Variants in RAB11FIP3 observed in about 807,000 individuals in gnomAD.
RAB11FIP3 encodes the protein rab11 family-interacting protein 3.
A neutral mutation model predicts 77.8 loss-of-function variants in RAB11FIP3; 17 were observed. The observed-to-expected ratio is 0.22, with a 90% confidence interval of 0.15 to 0.33. The LOEUF is 0.33. Among genes scored for constraint, RAB11FIP3 ranks in the 10% least tolerant of loss-of-function variants. The pLI, the probability that RAB11FIP3 is intolerant of heterozygous loss-of-function variation, is 1.00. For missense variants in RAB11FIP3, 1,005 were observed against 1,011.2 expected, an observed-to-expected ratio of 0.99 and a Z score of 0.08; for synonymous variants, 437 against 448.2, an observed-to-expected ratio of 0.98 and a Z score of 0.31.
rs565107257 is a variant in RAB11FIP3, at chr16:471,550, C to T, written c.903+161C>T. ...GCACCGTGGGGCTCTGTGGCTGTGA[C>T]GGGAGGCCCACAGTTGTCTGTCCCA... On this transcript the variant is annotated intron_variant, in intron 3 of 13. Transcript: ENST00000262305. The surrounding 1 kb of genome is among the most constrained non-coding windows in gnomAD (Gnocchi z 4.4). Among the ~76,000 whole-genome samples the T allele has an allele frequency of 3.9e-5, 6 of 152,146 alleles. No individual in the cohort carries two copies. Among genetic ancestry groups the T allele is most frequent in the African/African-American group, 9.6e-5 (4 of 41,508 alleles).
intron 5 of RAB11FIP3, among the ~76,000 whole-genome samples, chr16:489,295 C>T (rs374445052): frequency 1.3e-5 from 2 of 152,212 alleles, no homozygotes; most frequent in Non-Finnish European, 2.9e-5. Flanking sequence ...TGCTGTGGGC[C>T]GTGGATCACA....
At chr16:491,044 C>G in intron 5 of RAB11FIP3, 1 of 1,148,730 alleles carries the variant, frequency 8.7e-7, no homozygotes, top group South Asian at 1.4e-5. Flanking sequence ...ACACCATGTC[C>G]TGTCCTGTTC....
chr16:430,195 C>T (rs529254732), intron 1 of RAB11FIP3, among the ~76,000 whole-genome samples: 46 of 152,232 alleles, frequency 3.0e-4, no homozygotes, highest in African/African-American at 9.6e-4. Context: ...ATTGACATGA[C>T]CCCTTCATAC....
chr16:427,024 G>A (rs891632159), intron 1 of RAB11FIP3, among the ~76,000 whole-genome samples: 5 of 151,952 alleles, frequency 3.3e-5, no homozygotes, highest in Non-Finnish European at 7.4e-5. Context: ...CCCCCCCAGG[G>A]GGCCTGATCG....
chr16:499,816 A>C (rs1050714556), intron 6 of RAB11FIP3, among the ~76,000 whole-genome samples: 3 of 151,484 alleles, frequency 2.0e-5, no homozygotes, highest in Non-Finnish European at 2.9e-5. Flanking sequence ...AAAAAAAAAA[A>C]AGCTCCATCT....
intron 9 of RAB11FIP3, among the ~76,000 whole-genome samples, chr16:512,066 C>T (rs1478438648): frequency 6.6e-6 from 1 of 152,078 alleles, no homozygotes; most frequent in Non-Finnish European, 1.5e-5. Context: ...CTAGGAATAA[C>T]CTGAAAGTTT....
At chr16:508,907 CT>C (rs541232742) in intron 8 of RAB11FIP3, among the ~76,000 whole-genome samples, 334 of 141,868 alleles carry the variant, frequency 2.4e-3, no homozygotes, top group South Asian at 5.8e-3. Flanking sequence ...TTGATCAGAT[CT>C]TTTTTTTTTT....
Position 426,272 on chromosome 16 carries a change from C to A in RAB11FIP3, c.266C>A (p.Ala89Asp). 1 of 1,205,246 alleles carries A rather than the reference C, an allele frequency of 8.3e-7. No homozygotes were observed. Among genetic ancestry groups the A allele is most frequent in the Non-Finnish European group, 1.0e-6 (1 of 972,462 alleles). The allele number at this position is 1,205,246 out of a possible 1,614,324, so 74.7% of individuals were successfully genotyped here. A position where few individuals can be genotyped will look rare whatever the true frequency, so the allele number is the denominator to read the frequency against. Residue 89 changes from alanine (A) to aspartate (D), a missense_variant, in exon 1 of 14, where the codon GCC (alanine) becomes GAC (aspartate). Coordinates refer to ENST00000262305, the MANE Select transcript of RAB11FIP3 (RefSeq NM_014700.4). The surrounding 1 kb of genome is among the most constrained non-coding windows in gnomAD (Gnocchi z 5.0). ...EGGPRDPGPSAPPPRSGPRGQ... is the reference protein window; with the variant it reads ...EGGPRDPGPSDPPPRSGPRGQ... ...GGCCCGCGAGACCCCGGGCCGTCCG[C>A]CCCGCCGCCGCGCTCCGGCCCGCGG... is the stretch of plus-strand genomic sequence containing the variant.
intron 4 of RAB11FIP3, among the ~76,000 whole-genome samples, chr16:488,359 G>A (rs760661681): frequency 1.8e-4 from 28 of 152,188 alleles, no homozygotes; most frequent in South Asian, 4.2e-4. Flanking sequence ...CAGCCTGGGC[G>A]ATAGAGCCAG....
chr16:485,834 C>T (rs1321065563), intron 4 of RAB11FIP3, among the ~76,000 whole-genome samples: 17 of 152,230 alleles, frequency 1.1e-4, no homozygotes, highest in East Asian at 7.7e-4. Context: ...TGTTTACTTA[C>T]GCTTTCTTTT....
chr16:472,185 G>A lies in RAB11FIP3; in HGVS notation c.903+796G>A, dbSNP rs1167660666. On this transcript the variant is annotated intron_variant, in intron 3 of 13. Transcript: ENST00000262305. This position sits in a 1 kb window ranked among gnomAD's most constrained non-coding sequence, Gnocchi z 4.1. ...GGTAGTTTTTGAGTTGCTTTTGGACGCCACTGTACCGTGGGAGCCATGGTA... is the reference window on the plus strand; with the variant it reads ...GGTAGTTTTTGAGTTGCTTTTGGACACCACTGTACCGTGGGAGCCATGGTA... 2.0e-5 allele frequency among the ~76,000 whole-genome samples: 3 copies of A among 152,200 alleles called. No homozygotes were observed. Among genetic ancestry groups the A allele is most frequent in the African/African-American group, 4.8e-5 (2 of 41,464 alleles).
chr16:450,246 T>G (rs781453874), intron 1 of RAB11FIP3, among the ~76,000 whole-genome samples: 3 of 152,142 alleles, frequency 2.0e-5, no homozygotes, highest in Non-Finnish European at 2.9e-5. Flanking sequence ...CTTGGTATAC[T>G]GCAACCTCTG....
intron 6 of RAB11FIP3, chr16:497,293 T>C (rs1456515589): frequency 8.4e-6 from 11 of 1,304,446 alleles, no homozygotes; most frequent in Non-Finnish European, 1.1e-5. Context: ...ATTTTCCAGC[T>C]TCGTATAGAT....
chr16:495,625 AGC>A (rs2031057941), intron 5 of RAB11FIP3, among the ~76,000 whole-genome samples: 1 of 152,170 alleles, frequency 6.6e-6, no homozygotes, highest in Non-Finnish European at 1.5e-5. Flanking sequence ...GATGACACGC[AGC>A]ATTGTGGAGG....
Position 514,627 on chromosome 16 carries a change from G to A in RAB11FIP3, c.1640+3827G>A, listed in dbSNP as rs2032323086. ...TATGTGTCATCAGCAGAATGGGGCT[G>A]TACGAAGGTCACAGGCAGAGATCTG... On this transcript the variant is annotated intron_variant, in intron 9 of 13. Coordinates refer to ENST00000262305, the MANE Select transcript of RAB11FIP3 (RefSeq NM_014700.4). This position sits in a 1 kb window ranked among gnomAD's most constrained non-coding sequence, Gnocchi z 4.6. Among the ~76,000 whole-genome samples the A allele has an allele frequency of 6.6e-6, 1 of 152,216 alleles. No individual in the cohort carries two copies.
rs80185070 is a variant in RAB11FIP3, at chr16:507,527, G to T, written c.1499+1900G>T. ...CCCCCAAAGTGCTGAAATCAGAGGCGTGAGCCACCATGTCCAGCCTAGATG... is the reference window on the plus strand; with the variant it reads ...CCCCCAAAGTGCTGAAATCAGAGGCTTGAGCCACCATGTCCAGCCTAGATG... On this transcript the variant is annotated intron_variant, in intron 8 of 13. Coordinates refer to ENST00000262305, the MANE Select transcript of RAB11FIP3 (RefSeq NM_014700.4). This position sits in a 1 kb window ranked among gnomAD's most constrained non-coding sequence, Gnocchi z 4.6. Among the ~76,000 whole-genome samples, 2,908 of 152,332 alleles carry T rather than the reference G, an allele frequency of 0.019. 189 individuals are homozygous for T. Among genetic ancestry groups the T allele is most frequent in the East Asian group, 0.15 (766 of 5,176 alleles).
At chr16:433,280 C>T (rs967256200) in intron 1 of RAB11FIP3, among the ~76,000 whole-genome samples, 2 of 138,438 alleles carry the variant, frequency 1.4e-5, no homozygotes, top group African/African-American at 5.4e-5. Context: ...ATCCGCCCAC[C>T]TGGGCCTCCC....
intron 9 of RAB11FIP3, among the ~76,000 whole-genome samples, chr16:518,545 C>T (rs1314458871): frequency 6.7e-6 from 1 of 149,658 alleles, no homozygotes; most frequent in African/African-American, 2.5e-5. Flanking sequence ...GCCAACATGG[C>T]GAAACCCCCT....
intron 8 of RAB11FIP3, among the ~76,000 whole-genome samples, chr16:509,515 GCTGTGCTGTGTCAGTGGGCAGGGC>G (rs1160711198): frequency 2.0e-5 from 3 of 152,274 alleles, no homozygotes; most frequent in Non-Finnish European, 4.4e-5. Flanking sequence ...GAGGGCGTGG[GCTGTGCTGTGTCAGTGGGCAGGGC>G]CTGTGCCCTT....
Sources: allele counts gnomAD v4.1 joint callset (sites outside exome capture counted in the v4.1 genomes callset), GRCh38; gene constraint gnomAD v4.1.1; non-coding constraint Gnocchi (gnomAD v3.1); transcripts MANE v1.5; gene names NCBI Gene and HGNC (gene_info 2026-07-23, HGNC 2026-07-21).